ANKDD1A: variants seen among roughly 807,000 people sequenced by gnomAD.
ANKDD1A encodes the protein ankyrin repeat and death domain-containing protein 1A.
In ANKDD1A, 59 loss-of-function variants were observed where a neutral mutation model predicts 63.5. The observed-to-expected ratio is 0.93, with a 90% CI of 0.75 to 1.15. The LOEUF (loss-of-function observed/expected upper bound fraction) is 1.15. ANKDD1A is among the 50% of genes most tolerant of loss of function. The pLI is 0.00. For synonymous variants in ANKDD1A, 266 were observed against 263.9 expected, an observed-to-expected ratio of 1.01 and a Z score of -0.08; for missense variants, 632 against 656.4, an observed-to-expected ratio of 0.96 and a Z score of 0.41.
chr15:64,913,633 T>C (rs1376909319), intron 1 of ANKDD1A, among the ~76,000 whole-genome samples: 1 of 152,134 alleles, frequency 6.6e-6, no homozygotes, highest in Non-Finnish European at 1.5e-5. Flanking sequence ...ACAGGTTGTA[T>C]CCATGAGGCC....
intron 9 of ANKDD1A, among the ~76,000 whole-genome samples, chr15:64,935,248 G>C (rs976977849): frequency 1.3e-5 from 2 of 150,488 alleles, no homozygotes; most frequent in Middle Eastern, 3.2e-3. Flanking sequence ...AAAAAAAATT[G>C]GGTTGGGCAT....
chr15:64,925,193 A>C (rs2140368645), intron 4 of ANKDD1A, among the ~76,000 whole-genome samples: 1 of 145,634 alleles, frequency 6.9e-6, no homozygotes, highest in Non-Finnish European at 1.5e-5. Context: ...GCACCACTGT[A>C]CTCTAGCCTG....
chr15:64,952,907 T>TCTTCTTCTC (rs886966713), intron 14 of ANKDD1A, among the ~76,000 whole-genome samples: 4 of 72,108 alleles, frequency 5.5e-5, no homozygotes, highest in African/African-American at 1.4e-4. Context: ...TCCTTCCTTC[T>TCTTCTTCTC]CTTCTTCTCC....
chr15:64,953,604 T>TTCTCC, intron 14 of ANKDD1A, among the ~76,000 whole-genome samples: 1 of 71,006 alleles, frequency 1.4e-5, no homozygotes, highest in Non-Finnish European at 3.2e-5. Context: ...CCTTTTCTTC[T>TTCTCC]TTCTTCTCTC....
In ANKDD1A at chr15:64,949,901, C is replaced by T; in HGVS notation, c.1412C>T (p.Ala471Val). ...CTGCTCATTTGGCTGCATGGCGTGG[C>T]CACGGCTGGTGAGAACCCCAGCAAA... ...RMLLIWLHGV[A>V]TAGENPSKAL... is the part of the protein sequence containing the mutation. Residue 471 changes from alanine to valine, a missense_variant, in exon 14 of 15, where the codon GCC becomes GTC. Physicochemically the swap from Ala to Val is moderately conservative, Grantham distance 64. Coordinates refer to ENST00000319580, the MANE Select transcript of ANKDD1A (RefSeq NM_182703.6). 1 of 1,607,374 alleles carries T rather than the reference C, an allele frequency of 6.2e-7. No homozygotes were observed.
intron 6 of ANKDD1A, among the ~76,000 whole-genome samples, chr15:64,930,198 C>T (rs12101839): frequency 0.044 from 6,599 of 151,352 alleles, 502 homozygotes; most frequent in African/African-American, 0.15. Flanking sequence ...CCAATGCACA[C>T]GTTTACCGAT....
intron 14 of ANKDD1A, among the ~76,000 whole-genome samples, chr15:64,952,231 CCTTT>C (rs2085301867): frequency 7.7e-6 from 1 of 130,686 alleles, no homozygotes; most frequent in Admixed American, 7.0e-5. Context: ...TCCTTCTCCT[CCTTT>C]CTTCTTCTTA....
rs920643727 is a variant in ANKDD1A at position 64,958,634 on chromosome 15, AT to A, written c.*1453del. On this transcript the variant is annotated 3_prime_UTR_variant, in exon 15 of 15. Coordinates refer to ENST00000319580, the MANE Select transcript of ANKDD1A (RefSeq NM_182703.6). The stretch of plus-strand genomic sequence containing the variant: ...TGAATTTTATAAAATGAATTTTGTA[AT>A]TTTTTTCTGAGAAAAAAAAGTTCTT... 6.6e-6 allele frequency: 1 copy of A among 152,176 alleles called. No individual in the cohort carries two copies. The highest frequency in any genetic ancestry group is 1.5e-5 in the Non-Finnish European group (1 of 68,024). The allele number at this position is 152,176 out of a possible 1,614,324, so 9.4% of individuals were successfully genotyped here. A position where few individuals can be genotyped will look rare whatever the true frequency, so the allele number is the denominator to read the frequency against.
At chr15:64,917,552 G>A (rs1345866454) in intron 3 of ANKDD1A, 38 bp downstream of exon 3, 1 of 1,541,390 alleles carries the variant, frequency 6.5e-7, no homozygotes, top group East Asian at 2.5e-5. Flanking sequence ...AGGGTGGTGG[G>A]GGGCACTGGA....
intron 1 of ANKDD1A, chr15:64,913,969 CAG>C (rs1838747411): frequency 6.7e-6 from 1 of 149,990 alleles, no homozygotes; most frequent in Admixed American, 6.8e-5. Flanking sequence ...CTCATACAAG[CAG>C]AGATTTTTTT....
At chr15:64,935,600 G>A (rs1378560568) in intron 9 of ANKDD1A, among the ~76,000 whole-genome samples, 2 of 151,464 alleles carry the variant, frequency 1.3e-5, no homozygotes, top group East Asian at 3.9e-4. Flanking sequence ...GCATGAACCC[G>A]GGAGGCAGAG....
At chr15:64,945,060 T>G (rs922219567) in intron 12 of ANKDD1A, among the ~76,000 whole-genome samples, 2 of 152,192 alleles carry the variant, frequency 1.3e-5, no homozygotes, top group African/African-American at 4.8e-5. Flanking sequence ...AGAGGGCAGG[T>G]GGTTCCATCT....
intron 1 of ANKDD1A, among the ~76,000 whole-genome samples, chr15:64,915,390 C>T (rs181544566): frequency 9.2e-5 from 14 of 152,290 alleles, no homozygotes; most frequent in African/African-American, 3.4e-4. Flanking sequence ...GTAGGTGGCT[C>T]AGTAAATCCT....
intron 1 of ANKDD1A, among the ~76,000 whole-genome samples, chr15:64,912,634 C>A (rs1458255075): frequency 6.6e-6 from 1 of 152,218 alleles, no homozygotes. Context: ...GCTGCACCGT[C>A]TGGGAGAGGG....
chr15:64,930,260 A>G (rs1450115634), intron 6 of ANKDD1A, among the ~76,000 whole-genome samples: 1 of 25,212 alleles, frequency 4.0e-5, no homozygotes, highest in African/African-American at 1.2e-4. Flanking sequence ...AAGTAAAATT[A>G]AAAAAAAAAA....
intron 9 of ANKDD1A, among the ~76,000 whole-genome samples, chr15:64,940,872 G>GA (rs2085178389): frequency 6.6e-6 from 1 of 152,200 alleles, no homozygotes; most frequent in Non-Finnish European, 1.5e-5. Flanking sequence ...CCAGGTAGCT[G>GA]AAACTACAGG....
In ANKDD1A at chr15:64,942,479, C is replaced by G; in HGVS notation, c.880C>G (p.Pro294Ala). Residue 294 changes from proline to alanine, a missense_variant, in exon 10 of 15, where the codon CCT (proline) becomes GCT (alanine). Pro to Ala is a conservative substitution (Grantham distance 27). Transcript: ENST00000319580. ...TCTCCTCCCACAGCAGGGTGCCTCT[C>G]CTCTGCACCTCGCTGTGAGGCACAA... ...ANVVDHQGASPLHLAVRHNFP... is the reference protein window; with the variant it reads ...ANVVDHQGASALHLAVRHNFP... 6.2e-7 allele frequency: 1 copy of G among 1,612,690 alleles called. No individual in the cohort carries two copies. The highest frequency in any genetic ancestry group is 8.5e-7 in the Non-Finnish European group (1 of 1,179,338).
intron 14 of ANKDD1A, among the ~76,000 whole-genome samples, chr15:64,953,879 C>CT (rs2085364366): frequency 4.6e-5 from 6 of 131,408 alleles, no homozygotes; most frequent in East Asian, 2.3e-4. Context: ...CTTCTTCATT[C>CT]TTTCTTCTTC....
At chr15:64,953,556 T>TTCTTCCTTCTCC (rs2085346814) in intron 14 of ANKDD1A, among the ~76,000 whole-genome samples, 1 of 80,152 alleles carries the variant, frequency 1.2e-5, no homozygotes, top group African/African-American at 3.6e-5. Flanking sequence ...CTTCTCCTTC[T>TTCTTCCTTCTCC]TTCTTCCTCC....
Sources: allele counts gnomAD v4.1 joint callset (sites outside exome capture counted in the v4.1 genomes callset), GRCh38; gene constraint gnomAD v4.1.1; transcripts MANE v1.5; gene names NCBI Gene and HGNC (gene_info 2026-07-23, HGNC 2026-07-21).